PRMT9: variants seen among roughly 807,000 people sequenced by gnomAD.
The protein encoded by PRMT9 is protein arginine N-methyltransferase 9.
Under a neutral mutation model 83.2 loss-of-function variants are expected in PRMT9, and 59 were observed. That is an observed-to-expected ratio of 0.71 (90% CI 0.57 to 0.88). PRMT9 has a LOEUF of 0.88. PRMT9 is among the 40% of genes least tolerant of loss of function. The pLI is 0.00. For missense variants in PRMT9, 947 were observed against 1,021.9 expected, an observed-to-expected ratio of 0.93 and a Z score of 1.00; for synonymous variants, 333 against 353.2, an observed-to-expected ratio of 0.94 and a Z score of 0.64.
intron 6 of PRMT9, among the ~76,000 whole-genome samples, chr4:147,663,065 G>A (rs888630421): frequency 5.6e-5 from 8 of 144,018 alleles, no homozygotes; most frequent in Non-Finnish European, 1.2e-4. Flanking sequence ...CTGGAGTGCA[G>A]TGGCACAATC....
chr4:147,648,093 A>G (rs1733846939), intron 9 of PRMT9, among the ~76,000 whole-genome samples: 1 of 152,206 alleles, frequency 6.6e-6, no homozygotes, highest in Non-Finnish European at 1.5e-5. Context: ...TCTGGTCTTC[A>G]TCTTGTTTCC....
At chr4:147,667,907 CACA>C (rs1735448992) in intron 6 of PRMT9, among the ~76,000 whole-genome samples, 1 of 151,244 alleles carries the variant, frequency 6.6e-6, no homozygotes, top group Non-Finnish European at 1.5e-5. Flanking sequence ...ATGAATATAT[CACA>C]ACTAGAGTCC....
chr4:147,672,833 C>T, intron 4 of PRMT9, 126 bp downstream of exon 4: 1 of 630,182 alleles, frequency 1.6e-6, no homozygotes, highest in South Asian at 2.0e-5. Flanking sequence ...ACTATCTTAT[C>T]CTATATCCAT....
intron 2 of PRMT9, among the ~76,000 whole-genome samples, chr4:147,679,390 G>A (rs1465089345): frequency 6.6e-6 from 1 of 152,020 alleles, no homozygotes; most frequent in African/African-American, 2.4e-5. Flanking sequence ...AGGTTGCCAT[G>A]AGCCATGATG....
Position 147,638,403 on chromosome 4 carries a change from C to T in PRMT9, c.*129G>A. ...TTTATTTAGAATCTTTTAAAATATG[C>T]TTTATTAATGTCAATTTTAAAAAAT... On this transcript the variant is annotated 3_prime_UTR_variant, in exon 12 of 12. Transcript: ENST00000322396. 1 of 703,302 alleles carries T rather than the reference C, an allele frequency of 1.4e-6. No homozygotes were observed. The highest frequency in any genetic ancestry group is 2.7e-5 in the East Asian group (1 of 36,992). The allele number at this position is 703,302 out of a possible 1,614,324, so 43.6% of individuals were successfully genotyped here.
At chr4:147,677,613 C>T (rs903555126) in intron 2 of PRMT9, among the ~76,000 whole-genome samples, 1 of 151,916 alleles carries the variant, frequency 6.6e-6, no homozygotes, top group Admixed American at 6.6e-5. Context: ...GCCACCACAC[C>T]CGTTTACTTT....
chr4:147,665,589 T>C (rs1437113921), intron 6 of PRMT9, among the ~76,000 whole-genome samples: 2 of 152,158 alleles, frequency 1.3e-5, no homozygotes, highest in Admixed American at 1.3e-4. Flanking sequence ...CCCAGAATCA[T>C]ATTGAATCTA....
At chr4:147,652,723 AC>A (rs1479757215) in intron 9 of PRMT9, among the ~76,000 whole-genome samples, 1 of 44,768 alleles carries the variant, frequency 2.2e-5, no homozygotes, top group Non-Finnish European at 4.3e-5. Context: ...AAAAAAAAAA[AC>A]GAAAAAACAA....
intron 2 of PRMT9, among the ~76,000 whole-genome samples, chr4:147,678,087 GTCTA>G (rs1736210388): frequency 6.6e-6 from 1 of 152,146 alleles, no homozygotes; most frequent in Admixed American, 6.5e-5. Context: ...GCCCTGCACA[GTCTA>G]GTGAGCCACG....
chr4:147,651,289 A>T (rs1337855213), intron 9 of PRMT9, among the ~76,000 whole-genome samples: 2 of 152,226 alleles, frequency 1.3e-5, no homozygotes, highest in Non-Finnish European at 2.9e-5. Flanking sequence ...TCTGAAAGAC[A>T]ATACAGGAGA....
chr4:147,682,501 AG>A (rs1321505257), intron 1 of PRMT9, among the ~76,000 whole-genome samples: 1 of 151,706 alleles, frequency 6.6e-6, no homozygotes, highest in Admixed American at 6.6e-5. Context: ...TAGTAGAGAC[AG>A]GTTTTCACCA....
intron 10 of PRMT9, among the ~76,000 whole-genome samples, chr4:147,642,152 C>A (rs1211859994): frequency 1.3e-5 from 2 of 152,112 alleles, no homozygotes; most frequent in East Asian, 3.8e-4. Context: ...GAACATAGAT[C>A]TTTTTTGGAC....
At chr4:147,668,397 C>T in intron 6 of PRMT9, 142 bp downstream of exon 6, 2 of 660,442 alleles carry the variant, frequency 3.0e-6, no homozygotes, top group Non-Finnish European at 5.5e-6. Flanking sequence ...GACGTGCCTG[C>T]TTCCCCTTCT....
In PRMT9 at chr4:147,654,035, AG is replaced by A. The variant is rs1245306628; in HGVS notation, c.1861del (p.Leu621SerfsTer17). On this transcript the variant is annotated frameshift_variant, in exon 9 of 12. Coordinates refer to ENST00000322396, the MANE Select transcript of PRMT9 (RefSeq NM_138364.4). LOFTEE classifies it high-confidence loss of function. ...EKDQHRIALD[L>X]ISEANHFPKE... ...AGGAAAGTGATTGGCTTCAGATATGAGGTCCAGAGCAATACGATGCTGGTCT... is the reference window on the plus strand; with the variant it reads ...AGGAAAGTGATTGGCTTCAGATATGAGTCCAGAGCAATACGATGCTGGTCT... 6 of 1,614,126 alleles carry A rather than the reference AG, an allele frequency of 3.7e-6. No homozygotes were observed. Among genetic ancestry groups the A allele is most frequent in the Non-Finnish European group, 5.1e-6 (6 of 1,180,046 alleles).
rs774637275 is a variant in PRMT9 at position 147,673,669 on chromosome 4, A to G, written c.544T>C (p.Leu182=). The change falls in exon 3 of 12, where the codon TTG becomes CTG. Residue 182 remains leucine (L), a synonymous_variant. Transcript: ENST00000322396. ...KAVCLGSKSV[L]DIGAGTGILS... is the part of the protein sequence containing the mutation. ...ATTCCAGTTCCTGCTCCAATGTCCA[A>G]AACACTTTTGGACCCCAAACAAACT... 6.2e-6 allele frequency: 10 copies of G among 1,613,634 alleles called. No homozygotes were observed. The South Asian group carries it at 9.9e-5, about 16-fold the overall frequency.
At chr4:147,654,587 GA>G (rs768973785) in intron 8 of PRMT9, 21 bp from the exon 9 acceptor site, 277 of 1,496,754 alleles carry the variant, frequency 1.9e-4, no homozygotes, top group Non-Finnish European at 2.5e-4. Flanking sequence ...TAGTAAGGAA[GA>G]AAAAAAATAT....
At chr4:147,644,044 C>G (rs1472943456) in intron 9 of PRMT9, among the ~76,000 whole-genome samples, 1 of 152,136 alleles carries the variant, frequency 6.6e-6, no homozygotes, top group Admixed American at 6.5e-5. Flanking sequence ...ATTGTGACAA[C>G]TGGTGAAATC....
chr4:147,661,188 C>A, intron 6 of PRMT9, 150 bp from the exon 7 acceptor site: 4 of 598,798 alleles, frequency 6.7e-6, no homozygotes, highest in Non-Finnish European at 1.2e-5. Context: ...AATACACACA[C>A]ATATAAAACC....
At chr4:147,659,570 CTTTCT>C (rs1734794079) in intron 7 of PRMT9, among the ~76,000 whole-genome samples, 1 of 50,144 alleles carries the variant, frequency 2.0e-5, no homozygotes, top group African/African-American at 7.1e-5. Flanking sequence ...TCTTTGGGCA[CTTTCT>C]TTTCTTTTTT....
Sources: allele counts gnomAD v4.1 joint callset (sites outside exome capture counted in the v4.1 genomes callset), GRCh38; gene constraint gnomAD v4.1.1; transcripts MANE v1.5; gene names NCBI Gene and HGNC (gene_info 2026-07-23, HGNC 2026-07-21).